CNTLN: variants seen among roughly 807,000 people sequenced by gnomAD.
CNTLN encodes centlein, centrosomal protein.
In CNTLN, 212 loss-of-function variants were observed where a neutral mutation model predicts 180.0. The observed-to-expected ratio is 1.18, with a 90% confidence interval of 1.05 to 1.32. CNTLN has a LOEUF of 1.32. Among genes scored for constraint, CNTLN ranks in the 40% most tolerant of loss-of-function variants. The pLI, the probability that CNTLN is intolerant of heterozygous loss-of-function variation, is 0.00. For synonymous variants in CNTLN, 722 were observed against 563.1 expected (o/e 1.28, Z -3.99); for missense variants, 2,095 against 1,610.9 (o/e 1.30, Z -5.14).
At chr9:17,211,342 G>T (rs1309264967) in intron 2 of CNTLN, among the ~76,000 whole-genome samples, 1 of 152,096 alleles carries the variant, frequency 6.6e-6, no homozygotes, top group African/African-American at 2.4e-5. Flanking sequence ...TTTTTGTCAG[G>T]TTTGTCAAAG....
chr9:17,391,426 G>A (rs1826105411), intron 14 of CNTLN, among the ~76,000 whole-genome samples: 1 of 152,102 alleles, frequency 6.6e-6, no homozygotes, highest in Admixed American at 6.6e-5. Flanking sequence ...AAAAAGGGGA[G>A]GGTGACAGGA....
chr9:17,309,006 A>C, intron 7 of CNTLN, 52 bp from the exon 8 acceptor site: 1 of 1,252,066 alleles, frequency 8.0e-7, no homozygotes, highest in Non-Finnish European at 1.1e-6. Flanking sequence ...AGACACACAG[A>C]CACATAGTTT....
intron 5 of CNTLN, among the ~76,000 whole-genome samples, chr9:17,271,126 G>A (rs200812744): frequency 6.6e-6 from 1 of 151,596 alleles, no homozygotes. Context: ...AATTTTTTGT[G>A]TTTTTAGTAG....
At chr9:17,275,377 C>T (rs1024009298) in intron 6 of CNTLN, among the ~76,000 whole-genome samples, 1 of 152,088 alleles carries the variant, frequency 6.6e-6, no homozygotes, top group Admixed American at 6.6e-5. Context: ...TAACATAGCT[C>T]AGTGGTCTCA....
the CNTLN span, among the ~76,000 whole-genome samples, chr9:17,523,649 C>T: frequency 6.6e-6 from 1 of 152,276 alleles, no homozygotes; most frequent in East Asian, 1.9e-4. Context: ...GGATTATTTG[C>T]TTTGTTTTTA....
intron 7 of CNTLN, 143 bp from the exon 8 acceptor site, chr9:17,308,915 C>T: frequency 2.6e-6 from 1 of 385,190 alleles, no homozygotes; most frequent in East Asian, 4.1e-5. Context: ...TATCTTCTTT[C>T]TCTCTGAGAC....
At chr9:17,267,898 A>G (rs139180562) in intron 5 of CNTLN, among the ~76,000 whole-genome samples, 2,141 of 152,210 alleles carry the variant, frequency 0.014, 21 homozygotes, top group Non-Finnish European at 0.022. Context: ...CAGGTTCTTT[A>G]AGGACTTCTC....
At chr9:17,164,972 A>G (rs1024989937) in intron 2 of CNTLN, among the ~76,000 whole-genome samples, 3 of 150,784 alleles carry the variant, frequency 2.0e-5, no homozygotes, top group Admixed American at 6.6e-5. Context: ...AGTAGCTGGT[A>G]TTACAGGTGC....
At chr9:17,489,977 T>C (rs975434589) in intron 25 of CNTLN, among the ~76,000 whole-genome samples, 4 of 152,202 alleles carry the variant, frequency 2.6e-5, no homozygotes, top group Non-Finnish European at 5.9e-5. Context: ...CACATTGATA[T>C]ATTTTTTAAA....
At chr9:17,247,309 G>A (rs74429249) in intron 5 of CNTLN, among the ~76,000 whole-genome samples, 2,714 of 152,226 alleles carry the variant, frequency 0.018, 92 homozygotes, top group African/African-American at 0.062. Flanking sequence ...GATTCCAACT[G>A]CTGGGTTGGG....
At chr9:17,326,872 A>G (rs1820328957) in intron 8 of CNTLN, among the ~76,000 whole-genome samples, 1 of 152,178 alleles carries the variant, frequency 6.6e-6, no homozygotes, top group South Asian at 2.1e-4. Flanking sequence ...CTGAGAAAAC[A>G]GCCAAAAGGA....
intron 5 of CNTLN, among the ~76,000 whole-genome samples, chr9:17,261,155 AT>A (rs1245291155): frequency 6.6e-6 from 1 of 151,140 alleles, no homozygotes; most frequent in Non-Finnish European, 1.5e-5. Context: ...GCTTTGTCTA[AT>A]TGGGCTTTTT....
intron 7 of CNTLN, among the ~76,000 whole-genome samples, chr9:17,305,574 T>C (rs1587594713): frequency 6.6e-6 from 1 of 151,882 alleles, no homozygotes; most frequent in East Asian, 1.9e-4. Flanking sequence ...TAAGATGGAA[T>C]CTACCCAGGG....
At chr9:17,143,179 A>G (rs1036877738) in intron 1 of CNTLN, 109 bp from the exon 2 acceptor site, 3 of 719,948 alleles carry the variant, frequency 4.2e-6, no homozygotes, top group East Asian at 2.6e-5. Flanking sequence ...TGATGTAGTT[A>G]TACAACTAGG....
chr9:17,232,959 C>G (rs114715979), intron 3 of CNTLN, among the ~76,000 whole-genome samples: 2,032 of 151,198 alleles, frequency 0.013, 47 homozygotes, highest in African/African-American at 0.047. Flanking sequence ...TGATGTCAGG[C>G]ACATTTTGAT....
chr9:17,245,324 G>GT (rs796451140), intron 5 of CNTLN, among the ~76,000 whole-genome samples: 49 of 146,126 alleles, frequency 3.4e-4, no homozygotes, highest in Middle Eastern at 3.6e-3. Flanking sequence ...TATGTTAAAA[G>GT]TTTTTTTTTT....
chr9:17,473,645 CTCT>C (rs760625242), intron 23 of CNTLN, among the ~76,000 whole-genome samples: 6 of 151,996 alleles, frequency 3.9e-5, no homozygotes, highest in Non-Finnish European at 8.8e-5. Flanking sequence ...TCTGTATCTC[CTCT>C]AACTGCTGAC....
chr9:17,148,991 C>T (rs1034287308), intron 2 of CNTLN, among the ~76,000 whole-genome samples: 1 of 152,064 alleles, frequency 6.6e-6, no homozygotes, highest in Admixed American at 6.5e-5. Flanking sequence ...CGACAGGACC[C>T]AGTGTGTGAT....
chr9:17,423,118 G>A (rs1354227190), intron 18 of CNTLN, among the ~76,000 whole-genome samples: 1 of 152,166 alleles, frequency 6.6e-6, no homozygotes, highest in African/African-American at 2.4e-5. Context: ...GGAGAGGGGT[G>A]ACTGAGTCAC....
Sources: gnomAD v4.1 joint callset for allele counts (sites outside exome capture counted in the v4.1 genomes callset) on GRCh38, gnomAD v4.1.1 for gene constraint, MANE v1.5 for transcripts, NCBI Gene and HGNC (gene_info 2026-07-23, HGNC 2026-07-21) for gene names.